PRMT3: variants seen among roughly 807,000 people sequenced by gnomAD.
PRMT3 encodes protein arginine N-methyltransferase 3.
PRMT3 carries 62 observed loss-of-function variants against 71.9 expected under a neutral mutation model. The ratio of observed to expected loss-of-function variants is 0.86; its 90% confidence interval spans 0.70 to 1.07. The LOEUF is 1.07. Among genes scored for constraint, PRMT3 ranks in the 50% least tolerant of loss-of-function variants. The probability of loss-of-function intolerance (pLI) is 0.00; values close to 1 mark genes in which losing one functional copy is unlikely to be tolerated. For missense variants in PRMT3, 663 were observed against 643.0 expected (o/e 1.03, Z -0.34); for synonymous variants, 213 against 220.4 (o/e 0.97, Z 0.30).
chr11:20,447,202 CTTAT>C (rs901383609), intron 10 of PRMT3, among the ~76,000 whole-genome samples: 29 of 151,760 alleles, frequency 1.9e-4, no homozygotes, highest in African/African-American at 7.0e-4. Flanking sequence ...GGAAAGAATG[CTTAT>C]TTATTTGCAT....
chr11:20,415,017 G>GT (rs1555009387), intron 9 of PRMT3, among the ~76,000 whole-genome samples: 5 of 135,316 alleles, frequency 3.7e-5, no homozygotes, highest in Non-Finnish European at 8.3e-5. Context: ...TGGTGGTAGT[G>GT]GTGTGTGTGT....
At chr11:20,491,860 G>GCT (rs1206477678) in intron 13 of PRMT3, among the ~76,000 whole-genome samples, 1 of 152,120 alleles carries the variant, frequency 6.6e-6, no homozygotes, top group African/African-American at 2.4e-5. Flanking sequence ...ATCTTTTCTA[G>GCT]CTCTCTCCTC....
chr11:20,408,575 A>C (rs1277475195), intron 9 of PRMT3, among the ~76,000 whole-genome samples: 1 of 152,116 alleles, frequency 6.6e-6, no homozygotes, highest in Non-Finnish European at 1.5e-5. Flanking sequence ...CTGTCTTTTG[A>C]GTATTTAGCT....
At chr11:20,483,465 A>C (rs1006987794) in intron 13 of PRMT3, among the ~76,000 whole-genome samples, 1 of 151,956 alleles carries the variant, frequency 6.6e-6, no homozygotes, top group African/African-American at 2.4e-5. Flanking sequence ...GATATCAAGC[A>C]GTGGAAAACC....
chr11:20,475,210 T>TTTAAAAGAAATTATTATTTCTAACATTTA (rs1850750334), intron 13 of PRMT3, among the ~76,000 whole-genome samples: 1 of 152,240 alleles, frequency 6.6e-6, no homozygotes, highest in Non-Finnish European at 1.5e-5. Flanking sequence ...AAACTTAGTC[T>TTTAAAAGAAATTATTATTTCTAACATTTA]TTAAAAGAAA....
chr11:20,391,190 C>G (rs1848706337), intron 3 of PRMT3, among the ~76,000 whole-genome samples: 1 of 152,128 alleles, frequency 6.6e-6, no homozygotes, highest in African/African-American at 2.4e-5. Flanking sequence ...ATCATAAATT[C>G]AACTGCAAGT....
intron 5 of PRMT3, 43 bp downstream of exon 5, chr11:20,393,042 C>T (rs772402092): frequency 1.4e-5 from 18 of 1,242,426 alleles, no homozygotes; most frequent in East Asian, 1.2e-4. Context: ...AACATAAGGC[C>T]GTTTGTTAAC....
chr11:20,440,259 G>A (rs183125100), intron 10 of PRMT3, among the ~76,000 whole-genome samples: 40 of 152,292 alleles, frequency 2.6e-4, no homozygotes, highest in Non-Finnish European at 4.0e-4. Context: ...GATTGGCTGA[G>A]GCAGGAGGAT....
intron 15 of PRMT3, among the ~76,000 whole-genome samples, chr11:20,495,146 A>T (rs1426161590): frequency 6.6e-6 from 1 of 152,094 alleles, no homozygotes; most frequent in Admixed American, 6.6e-5. Flanking sequence ...CTCCTGCCTC[A>T]GTCTCCCAAG....
intron 15 of PRMT3, among the ~76,000 whole-genome samples, chr11:20,494,632 A>G (rs1851292342): frequency 6.6e-6 from 1 of 152,148 alleles, no homozygotes; most frequent in Admixed American, 6.5e-5. Flanking sequence ...GGCCTGCACA[A>G]TATATTTGAA....
chr11:20,461,256 T>C lies in PRMT3; in HGVS notation c.1073-724T>C, dbSNP rs568793264. Among the ~76,000 whole-genome samples the C allele has an allele frequency of 3.4e-3, 513 of 152,314 alleles. 2 individuals carry two copies. Among genetic ancestry groups the C allele is most frequent in the Non-Finnish European group, 5.9e-3 (404 of 68,022 alleles). ...CTTTCCCTCCCCACTCCCAACTTAC[T>C]GGGCTTCAGTTCTTATCTTATATAT... On this transcript the variant is annotated intron_variant, in intron 11 of 15. Coordinates refer to ENST00000331079, the MANE Select transcript of PRMT3 (RefSeq NM_005788.4).
chr11:20,392,772 T>C, intron 4 of PRMT3, 125 bp from the exon 5 acceptor site: 1 of 621,910 alleles, frequency 1.6e-6, no homozygotes, highest in Non-Finnish European at 2.8e-6. Context: ...GTAGACTTTT[T>C]GGAGACATAC....
At chr11:20,488,681 C>G (rs1236281236) in intron 13 of PRMT3, among the ~76,000 whole-genome samples, 1 of 152,104 alleles carries the variant, frequency 6.6e-6, no homozygotes, top group African/African-American at 2.4e-5. Context: ...TTTTAATTTC[C>G]TTCTTCCTCA....
chr11:20,438,646 G>A (rs1323689522), intron 10 of PRMT3, among the ~76,000 whole-genome samples: 1 of 152,112 alleles, frequency 6.6e-6, no homozygotes, highest in Non-Finnish European at 1.5e-5. Flanking sequence ...CCAGGTCACT[G>A]ATTTCCCAGA....
intron 5 of PRMT3, among the ~76,000 whole-genome samples, chr11:20,395,284 TAGAC>T (rs1423911527): frequency 3.3e-5 from 5 of 152,012 alleles, no homozygotes; most frequent in African/African-American, 4.8e-5. Flanking sequence ...ATGAAAAACT[TAGAC>T]TAACAGCATG....
intron 12 of PRMT3, among the ~76,000 whole-genome samples, chr11:20,463,402 G>A (rs1379089671): frequency 1.3e-5 from 2 of 152,148 alleles, no homozygotes; most frequent in South Asian, 2.1e-4. Flanking sequence ...CAGGATAGGA[G>A]TGTACAGTTA....
chr11:20,441,045 C>T (rs927270938), intron 10 of PRMT3, among the ~76,000 whole-genome samples: 5 of 151,770 alleles, frequency 3.3e-5, no homozygotes, highest in African/African-American at 4.8e-5. Flanking sequence ...TAGTAGTCCT[C>T]AATATAACAT....
At chr11:20,409,854 A>C (rs970803964) in intron 9 of PRMT3, among the ~76,000 whole-genome samples, 5 of 152,164 alleles carry the variant, frequency 3.3e-5, no homozygotes, top group African/African-American at 1.2e-4. Flanking sequence ...AACAAATATG[A>C]GAACCACTGT....
chr11:20,475,769 CTCAGCCTCCCCA>C (rs1850767897), intron 13 of PRMT3, among the ~76,000 whole-genome samples: 1 of 151,554 alleles, frequency 6.6e-6, no homozygotes, highest in African/African-American at 2.4e-5. Context: ...ATTCTCCTGC[CTCAGCCTCCCCA>C]GTTGCTGGGA....
Sources: allele counts gnomAD v4.1 joint callset (sites outside exome capture counted in the v4.1 genomes callset), GRCh38; gene constraint gnomAD v4.1.1; transcripts MANE v1.5; gene names NCBI Gene and HGNC (gene_info 2026-07-23, HGNC 2026-07-21).